PKD1L1: variants seen among roughly 807,000 people sequenced by gnomAD.
The protein encoded by PKD1L1 is polycystin 1 like 1, transient receptor potential channel interacting.
In PKD1L1, 236 loss-of-function variants were observed where a neutral mutation model predicts 323.4. The ratio of observed to expected loss-of-function variants is 0.73; its 90% CI spans 0.66 to 0.81. The LOEUF (loss-of-function observed/expected upper bound fraction) is 0.81. PKD1L1 is among the 40% of genes least tolerant of loss of function. The pLI, the probability that PKD1L1 is intolerant of heterozygous loss-of-function variation, is 0.00. For missense variants in PKD1L1, 3,320 were observed against 3,508.0 expected, an observed-to-expected ratio of 0.95 and a Z score of 1.35; for synonymous variants, 1,344 against 1,335.0, an observed-to-expected ratio of 1.01 and a Z score of -0.15.
rs918172507 is a variant in PKD1L1 at position 47,840,840 on chromosome 7, T to A, written c.5446-273A>T. Among the ~76,000 whole-genome samples, 2 of 152,174 alleles carry A rather than the reference T, an allele frequency of 1.3e-5. No homozygotes were observed. Among genetic ancestry groups the A allele is most frequent in the African/African-American group, 4.8e-5 (2 of 41,436 alleles). On this transcript the variant is annotated intron_variant, in intron 34 of 56. Coordinates refer to ENST00000289672, the MANE Select transcript of PKD1L1 (RefSeq NM_138295.5). The surrounding 1 kb of genome is among the most constrained non-coding windows in gnomAD (Gnocchi z 4.1). The stretch of plus-strand genomic sequence containing the variant: ...TAGAAAAGCCAGATCCCAACTAGGA[T>A]TCGGGAGGGCATTTGTTTTCTCATG...
chr7:47,955,634 C>T, the PKD1L1 span, among the ~76,000 whole-genome samples: 1 of 152,140 alleles, frequency 6.6e-6, no homozygotes, highest in Admixed American at 6.5e-5. Context: ...TTTAACCAAT[C>T]CCCAATTAAT....
At chr7:47,885,242 A>C (rs1326308788) in intron 18 of PKD1L1, among the ~76,000 whole-genome samples, 1 of 152,222 alleles carries the variant, frequency 6.6e-6, no homozygotes, top group Non-Finnish European at 1.5e-5. Context: ...ATCAGTAAGC[A>C]GCTGAGGACA....
rs372647539 is a variant in PKD1L1, at chr7:47,884,614, C to T, written c.3249G>A (p.Ser1083=). The change falls in exon 19 of 57, where the codon TCG becomes TCA. Residue 1083 remains serine, a synonymous_variant. Transcript: ENST00000289672. ...CACAGTCACCTGGCTGTCTTCCTCC[C>T]GATGGTATTGCTTCTTGAATGTCAC... ...YYSDIQEAIP[S]GGRQPAKDTS... 23 of 1,613,708 alleles carry T rather than the reference C, an allele frequency of 1.4e-5. No homozygotes were observed. Among genetic ancestry groups the T allele is most frequent in the East Asian group, 1.3e-4 (6 of 44,886 alleles).
intron 43 of PKD1L1, 95 bp downstream of exon 43, chr7:47,829,945 A>G (rs1785310378): frequency 8.3e-7 from 1 of 1,199,566 alleles, no homozygotes; most frequent in African/African-American, 1.5e-5. Flanking sequence ...GTATAAAGAA[A>G]AGTCATACAC....
intron 2 of PKD1L1, among the ~76,000 whole-genome samples, chr7:47,941,617 T>C (rs1787986621): frequency 6.6e-6 from 1 of 152,204 alleles, no homozygotes; most frequent in East Asian, 1.9e-4. Context: ...ACAAATGCCA[T>C]CGAGTGCCAT....
At chr7:47,954,753 C>A in the PKD1L1 span, among the ~76,000 whole-genome samples, 1 of 152,336 alleles carries the variant, frequency 6.6e-6, no homozygotes, top group Non-Finnish European at 1.5e-5. Context: ...ATTCCAACCA[C>A]CACAGGTGGT....
intron 9 of PKD1L1, among the ~76,000 whole-genome samples, chr7:47,907,430 C>G (rs528637609): frequency 2.0e-5 from 3 of 152,150 alleles, no homozygotes; most frequent in African/African-American, 4.8e-5. Context: ...ATTCCCACCC[C>G]CAATGGCCTC....
intron 7 of PKD1L1, among the ~76,000 whole-genome samples, chr7:47,921,754 T>A (rs971833294): frequency 6.6e-6 from 1 of 152,046 alleles, no homozygotes; most frequent in East Asian, 1.9e-4. Flanking sequence ...CTGGATGAGA[T>A]TGGAGATTAT....
In PKD1L1 at chr7:47,866,612, T is replaced by C. The variant is rs1483272723; in HGVS notation, c.3899A>G (p.Tyr1300Cys). Reference protein sequence around the residue: ...HGNDCLGEDLYNSSLKNLSTL... With the variant: ...HGNDCLGEDLCNSSLKNLSTL... Reference sequence around the variant, plus strand: ...AGAAAGGTTTTTCAGGCTGGAATTATACCTGAAGGAAACACAAGAGTTATC... The same window carrying C: ...AGAAAGGTTTTTCAGGCTGGAATTACACCTGAAGGAAACACAAGAGTTATC... Residue 1300 changes from tyrosine to cysteine, a missense_variant and splice_region_variant, in exon 25 of 57, where the codon TAT (tyrosine) becomes TGT (cysteine). Physicochemically the swap from Tyr to Cys is radical, Grantham distance 194 (BLOSUM62 -2). Coordinates refer to ENST00000289672, the MANE Select transcript of PKD1L1 (RefSeq NM_138295.5). The C allele has an allele frequency of 3.8e-6, 6 of 1,597,292 alleles. No individual in the cohort carries two copies. Among genetic ancestry groups the C allele is most frequent in the Admixed American group, 1.8e-5 (1 of 57,054 alleles).
intron 19 of PKD1L1, among the ~76,000 whole-genome samples, chr7:47,883,324 C>G (rs112094517): frequency 0.045 from 6,914 of 152,266 alleles, 380 homozygotes; most frequent in African/African-American, 0.14. Flanking sequence ...TGCAAACTGA[C>G]CAATCCAGAA....
intron 1 of PKD1L1, among the ~76,000 whole-genome samples, chr7:47,943,918 G>A (rs1476758264): frequency 6.6e-6 from 1 of 152,080 alleles, no homozygotes; most frequent in Non-Finnish European, 1.5e-5. Context: ...ACAGCCCTAA[G>A]AGCACATTCT....
intron 54 of PKD1L1, among the ~76,000 whole-genome samples, chr7:47,797,156 C>T (rs893103222): frequency 3.3e-5 from 5 of 152,244 alleles, no homozygotes; most frequent in African/African-American, 9.6e-5. Flanking sequence ...GACCCAGAGC[C>T]TCCCCTCCAT....
chr7:47,838,162 C>T (rs1484392109), intron 36 of PKD1L1, among the ~76,000 whole-genome samples: 4 of 152,244 alleles, frequency 2.6e-5, no homozygotes, highest in Non-Finnish European at 4.4e-5. Context: ...AGAATTTCCA[C>T]ATGCTGTGGC....
Position 47,830,135 on chromosome 7 carries a change from G to T in PKD1L1, c.6474-11C>A. 6.2e-7 allele frequency: 1 copy of T among 1,612,858 alleles called. No individual in the cohort carries two copies. Among genetic ancestry groups the T allele is most frequent in the East Asian group, 2.2e-5 (1 of 44,868 alleles). ...TGCTCCTGGCCAAACCTGCCCCCAGGGAAAGTGCAGTGGTCAGCCCCCTCT... is the reference window on the plus strand; with the variant it reads ...TGCTCCTGGCCAAACCTGCCCCCAGTGAAAGTGCAGTGGTCAGCCCCCTCT... On this transcript the variant is annotated splice_polypyrimidine_tract_variant and intron_variant, in intron 42 of 56. Coordinates refer to ENST00000289672, the MANE Select transcript of PKD1L1 (RefSeq NM_138295.5).
chr7:47,883,892 G>C lies in PKD1L1; in HGVS notation c.3265+706C>G, dbSNP rs191779713. ...TCACTAGACATCCATCTCTTCACTAGACAGATAAATCAGTCACTCGCTGAT... is the reference window on the plus strand; with the variant it reads ...TCACTAGACATCCATCTCTTCACTACACAGATAAATCAGTCACTCGCTGAT... On this transcript the variant is annotated intron_variant, in intron 19 of 56. Transcript: ENST00000289672. Among the ~76,000 whole-genome samples the C allele has an allele frequency of 1.1e-3, 168 of 152,256 alleles. 2 individuals are homozygous for C. The highest frequency in any genetic ancestry group is 3.9e-3 in the African/African-American group (162 of 41,544).
chr7:47,827,610 T>C (rs1785264559), intron 44 of PKD1L1, 142 bp from the exon 45 acceptor site: 1 of 648,852 alleles, frequency 1.5e-6, no homozygotes, highest in Non-Finnish European at 2.6e-6. Flanking sequence ...GTACTTTGTA[T>C]GGATAACATA....
At chr7:47,836,690 C>G (rs1785463306) in intron 37 of PKD1L1, among the ~76,000 whole-genome samples, 1 of 152,214 alleles carries the variant, frequency 6.6e-6, no homozygotes, top group Admixed American at 6.5e-5. Context: ...GCACGAGCTC[C>G]CACACAGCAG....
chr7:47,776,417 T>C (rs559837425), intron 56 of PKD1L1, among the ~76,000 whole-genome samples: 8 of 152,348 alleles, frequency 5.3e-5, no homozygotes, highest in Admixed American at 5.2e-4. Context: ...CACTGGCTGC[T>C]TCTCCCTTGA....
chr7:47,831,274 G>T lies in PKD1L1; in HGVS notation c.6416C>A (p.Ala2139Asp), dbSNP rs754372634. ...LQPWWSSAVW[A>D]ICGTASLACS... ...GGCCAAAGAAGCGGTCCCACAAATG[G>T]CCCACACTGCAGAGCTCCACCAAGG... The change falls in exon 42 of 57, where the codon GCC becomes GAC. Residue 2139 changes from alanine (A) to aspartate (D), a missense_variant. Physicochemically the swap from Ala to Asp is moderately radical, Grantham distance 126 (BLOSUM62 -2). Transcript: ENST00000289672. 6.2e-7 allele frequency: 1 copy of T among 1,614,112 alleles called. No individual in the cohort carries two copies. The highest frequency in any genetic ancestry group is 8.5e-7 in the Non-Finnish European group (1 of 1,180,004).
Sources: gnomAD v4.1 joint callset for allele counts (sites outside exome capture counted in the v4.1 genomes callset) on GRCh38, gnomAD v4.1.1 for gene constraint, Gnocchi (gnomAD v3.1) non-coding constraint, MANE v1.5 for transcripts, NCBI Gene and HGNC (gene_info 2026-07-23, HGNC 2026-07-21) for gene names.